RILPL1: variants seen among roughly 807,000 people sequenced by gnomAD.
RILPL1 encodes the protein Rab interacting lysosomal protein like 1, also known as RILP-like protein 1.
Under a neutral mutation model 50.3 loss-of-function variants are expected in RILPL1, and 33 were observed. The ratio of observed to expected loss-of-function variants is 0.66; its 90% confidence interval spans 0.50 to 0.88. The LOEUF (loss-of-function observed/expected upper bound fraction) is 0.88. Among genes scored for constraint, RILPL1 ranks in the 40% least tolerant of loss-of-function variants. The pLI, the probability that RILPL1 is intolerant of heterozygous loss-of-function variation, is 0.00. For missense variants in RILPL1, 418 were observed against 542.5 expected, an observed-to-expected ratio of 0.77 and a Z score of 2.28; for synonymous variants, 205 against 228.6, an observed-to-expected ratio of 0.90 and a Z score of 0.93.
rs775773871 is a variant in RILPL1 at position 123,472,626 on chromosome 12, T to C, written c.1124A>G (p.His375Arg). 4 of 1,591,790 alleles carry C rather than the reference T, an allele frequency of 2.5e-6. No individual in the cohort carries two copies. Among genetic ancestry groups the C allele is most frequent in the Non-Finnish European group, 3.4e-6 (4 of 1,169,052 alleles). The change falls in exon 7 of 7, where the codon CAC (histidine) becomes CGC (arginine). Residue 375 changes from histidine (H) to arginine (R), a missense_variant. His to Arg is a conservative substitution (Grantham distance 29, BLOSUM62 0). Coordinates refer to ENST00000376874, the MANE Select transcript of RILPL1 (RefSeq NM_178314.5). The part of the protein sequence containing the change: ...KRLANTQRNV[H>R]IQESFGQWAN... ...CCACTGTCCAAAGGACTCCTGGATGTGCACGTTTCTCTGTGTGTTGGCCAG... is the reference window on the plus strand; with the variant it reads ...CCACTGTCCAAAGGACTCCTGGATGCGCACGTTTCTCTGTGTGTTGGCCAG...
At chr12:123,505,360 G>C (rs1593572822) in intron 2 of RILPL1, among the ~76,000 whole-genome samples, 1 of 152,096 alleles carries the variant, frequency 6.6e-6, no homozygotes, top group East Asian at 1.9e-4. Flanking sequence ...GTCTTGCTTT[G>C]TCACCTAGGC....
At chr12:123,478,624 C>T (rs1317285013) in intron 6 of RILPL1, among the ~76,000 whole-genome samples, 1 of 152,100 alleles carries the variant, frequency 6.6e-6, no homozygotes, top group African/African-American at 2.4e-5. Flanking sequence ...ACTGTCATTG[C>T]TACCCCTGGA....
At chr12:123,494,927 T>A (rs1882931759) in intron 4 of RILPL1, among the ~76,000 whole-genome samples, 1 of 152,206 alleles carries the variant, frequency 6.6e-6, no homozygotes, top group Non-Finnish European at 1.5e-5. Flanking sequence ...CGACAGCTGT[T>A]GTCTCTGCCT....
chr12:123,516,033 C>CAAAAAAAAAAAAAAAAAA lies in RILPL1; in HGVS notation c.460+7444_460+7461dup, dbSNP rs749657516. 6.9e-4 allele frequency among the ~76,000 whole-genome samples: 25 copies of CAAAAAAAAAAAAAAAAAA among 36,190 alleles called. 2 individuals carry two copies. Among genetic ancestry groups the CAAAAAAAAAAAAAAAAAA allele is most frequent in the Non-Finnish European group, 9.7e-4 (18 of 18,646 alleles). 23.7% of individuals were successfully genotyped at this position (36,190 alleles called of 152,430 possible). ...TGGGCCACAGAGCGAGACTCTGTCT[C>CAAAAAAAAAAAAAAAAAA]AAAAAAAAAAAAAAAAAAAAAAAAA... On this transcript the variant is annotated intron_variant, in intron 2 of 6. Transcript: ENST00000376874.
rs537356458 is a variant in RILPL1 at position 123,523,412 on chromosome 12, A to G, written c.460+83T>C. The G allele has an allele frequency of 1.1e-4, 174 of 1,520,932 alleles. 1 individual carries two copies. The African/African-American group carries it at 2.2e-3, about 19-fold the overall frequency. 94.2% of individuals were successfully genotyped at this position (1,520,932 alleles called of 1,614,324 possible). Reference sequence around the variant, plus strand: ...ATCAGCCAGCACCGCATCAGCGTCCAGGGGTGGTGGCGACAATCGCTGATG... The same window carrying G: ...ATCAGCCAGCACCGCATCAGCGTCCGGGGGTGGTGGCGACAATCGCTGATG... On this transcript the variant is annotated intron_variant, in intron 2 of 6. Coordinates refer to ENST00000376874, the MANE Select transcript of RILPL1 (RefSeq NM_178314.5).
chr12:123,484,922 G>C (rs1311136670), intron 5 of RILPL1: 1 of 300,464 alleles, frequency 3.3e-6, no homozygotes, highest in Non-Finnish European at 6.7e-6. Context: ...GCCTCGCAAA[G>C]TGCTGGGATG....
Position 123,470,708 on chromosome 12 carries a change from C to G in RILPL1, c.*1830G>C, listed in dbSNP as rs1013528294. On this transcript the variant is annotated 3_prime_UTR_variant, in exon 7 of 7. Transcript: ENST00000376874. Reference sequence around the variant, plus strand: ...CTCAGGCATGAGAATTGCTTGAACTCAAGAGGCGGAAGTTGCAGTGAGCAG... The same window carrying G: ...CTCAGGCATGAGAATTGCTTGAACTGAAGAGGCGGAAGTTGCAGTGAGCAG... 1 of 152,208 alleles carries G rather than the reference C, an allele frequency of 6.6e-6. No homozygotes were observed. Among genetic ancestry groups the G allele is most frequent in the South Asian group, 2.1e-4 (1 of 4,830 alleles). 9.4% of individuals were successfully genotyped at this position (152,208 alleles called of 1,614,324 possible).
At chr12:123,530,234 C>G (rs539089276) in intron 1 of RILPL1, among the ~76,000 whole-genome samples, 1 of 152,074 alleles carries the variant, frequency 6.6e-6, no homozygotes, top group Non-Finnish European at 1.5e-5. Flanking sequence ...GGTGTGATTT[C>G]GACTCGCTGC....
chr12:123,519,302 G>C (rs1884892869), intron 2 of RILPL1: 1 of 152,078 alleles, frequency 6.6e-6, no homozygotes, highest in Admixed American at 6.6e-5. Context: ...CGGCGCGATG[G>C]CTTGCATACC....
chr12:123,527,256 C>T (rs1327985565), intron 1 of RILPL1, among the ~76,000 whole-genome samples: 1 of 151,484 alleles, frequency 6.6e-6, no homozygotes, highest in Admixed American at 6.6e-5. Context: ...ACTTGAGCCC[C>T]GGAGGTTGAG....
chr12:123,483,860 A>C (rs1253415340), intron 6 of RILPL1, among the ~76,000 whole-genome samples: 1 of 151,936 alleles, frequency 6.6e-6, no homozygotes, highest in African/African-American at 2.4e-5. Context: ...CGCTACCCTT[A>C]TTTCCTGTCC....
At chr12:123,532,571 G>C (rs1885470546) in intron 1 of RILPL1, among the ~76,000 whole-genome samples, 1 of 152,068 alleles carries the variant, frequency 6.6e-6, no homozygotes, top group African/African-American at 2.4e-5. Flanking sequence ...TAAAATCAGA[G>C]GAGAGAACAC....
chr12:123,520,409 A>G (rs1593600977), intron 2 of RILPL1, among the ~76,000 whole-genome samples: 3 of 152,176 alleles, frequency 2.0e-5, no homozygotes, highest in African/African-American at 7.2e-5. Flanking sequence ...AAATACAAAT[A>G]TTAGATGGAC....
Position 123,485,878 on chromosome 12 carries a change from G to C in RILPL1, c.802-73C>G. Reference sequence around the variant, plus strand: ...AGCACCCACTCTCTATCCTGAAGGAGCCCAAATTCTCCCCCTCCCGGGGTG... The same window carrying C: ...AGCACCCACTCTCTATCCTGAAGGACCCCAAATTCTCCCCCTCCCGGGGTG... On this transcript the variant is annotated intron_variant, in intron 4 of 6. Transcript: ENST00000376874. The surrounding 1 kb of genome is among the most constrained non-coding windows in gnomAD (Gnocchi z 4.0). 6.9e-7 allele frequency: 1 copy of C among 1,446,252 alleles called. No individual in the cohort carries two copies. 89.6% of individuals were successfully genotyped at this position (1,446,252 alleles called of 1,614,324 possible). A position where few individuals can be genotyped will look rare whatever the true frequency, so the allele number is the denominator to read the frequency against.
intron 2 of RILPL1, among the ~76,000 whole-genome samples, chr12:123,520,643 C>T (rs1404931012): frequency 6.6e-6 from 1 of 152,190 alleles, no homozygotes; most frequent in African/African-American, 2.4e-5. Flanking sequence ...CGGGGTCCTC[C>T]AGGCCCAGGC....
intron 2 of RILPL1, among the ~76,000 whole-genome samples, chr12:123,499,795 C>T (rs564887131): frequency 1.3e-5 from 2 of 152,004 alleles, no homozygotes; most frequent in African/African-American, 4.8e-5. Context: ...CTGTGGCTGG[C>T]GCGCTTCATT....
chr12:123,488,615 A>G (rs1882499705), intron 4 of RILPL1, among the ~76,000 whole-genome samples: 1 of 152,204 alleles, frequency 6.6e-6, no homozygotes, highest in African/African-American at 2.4e-5. Context: ...GTTCTGGGAA[A>G]GGACGTGTGA....
chr12:123,533,047 C>G lies in RILPL1; in HGVS notation c.309+127G>C. The stretch of plus-strand genomic sequence containing the variant: ...AGGCCAGGGCCTCCCTCCCTCCCCA[C>G]GTCGGGTCTCCTCTGGTCCGGTCCC... On this transcript the variant is annotated intron_variant, in intron 1 of 6. Coordinates refer to ENST00000376874, the MANE Select transcript of RILPL1 (RefSeq NM_178314.5). The surrounding 1 kb of genome is among the most constrained non-coding windows in gnomAD (Gnocchi z 6.2). 2 of 1,025,776 alleles carry G rather than the reference C, an allele frequency of 1.9e-6. No individual in the cohort carries two copies. Among genetic ancestry groups the G allele is most frequent in the Non-Finnish European group, 2.7e-6 (2 of 728,220 alleles). 63.5% of individuals were successfully genotyped at this position (1,025,776 alleles called of 1,614,324 possible).
chr12:123,493,174 GAAAA>G lies in RILPL1; in HGVS notation c.801+5366_801+5369del. On this transcript the variant is annotated intron_variant, in intron 4 of 6. Coordinates refer to ENST00000376874, the MANE Select transcript of RILPL1 (RefSeq NM_178314.5). ...TGTACGTTCCATCTACTGAGATAGGGAAAAACCGCCTTAAGGCTGGAGGTGGGAC... is the reference window on the plus strand; with the variant it reads ...TGTACGTTCCATCTACTGAGATAGGGACCGCCTTAAGGCTGGAGGTGGGAC... 2.0e-5 allele frequency among the ~76,000 whole-genome samples: 3 copies of G among 152,334 alleles called. No homozygotes were observed. In the Middle Eastern group the frequency reaches 0.01, roughly 518 times the overall value.
Sources: allele counts gnomAD v4.1 joint callset (sites outside exome capture counted in the v4.1 genomes callset), GRCh38; gene constraint gnomAD v4.1.1; non-coding constraint Gnocchi (gnomAD v3.1); transcripts MANE v1.5; gene names NCBI Gene and HGNC (gene_info 2026-07-23, HGNC 2026-07-21).